The following WDR41 variants were observed in gnomAD, a reference collection of about 807,000 sequenced individuals.
WDR41 encodes the protein WD repeat-containing protein 41.
A neutral mutation model predicts 69.3 loss-of-function variants in WDR41; 63 were observed. That is an observed-to-expected ratio of 0.91 (90% CI 0.74 to 1.12). The LOEUF is 1.12. WDR41 is among the 50% of genes most tolerant of loss of function. WDR41 has a pLI of 0.00. For synonymous variants in WDR41, 185 were observed against 192.1 expected (o/e 0.96, Z 0.31); for missense variants, 543 against 534.5 (o/e 1.02, Z -0.16).
chr5:77,557,586 A>G (rs146245488), intron 1 of WDR41, among the ~76,000 whole-genome samples: 1 of 152,188 alleles, frequency 6.6e-6, no homozygotes, highest in Non-Finnish European at 1.5e-5. Context: ...CCACTAGAAC[A>G]CTTGTACACT....
intron 1 of WDR41, among the ~76,000 whole-genome samples, chr5:77,489,883 T>TA (rs1383082691): frequency 6.6e-6 from 1 of 152,150 alleles, no homozygotes; most frequent in East Asian, 1.9e-4. Flanking sequence ...AACCTCACTT[T>TA]AAAAAAAGTA....
At chr5:77,483,931 T>A (rs1258602086) in intron 2 of WDR41, among the ~76,000 whole-genome samples, 3 of 152,212 alleles carry the variant, frequency 2.0e-5, no homozygotes, top group African/African-American at 7.2e-5. Context: ...ACTTCCTGTA[T>A]CTATGCTCAA....
chr5:77,540,718 G>T (rs1277344047), intron 1 of WDR41, among the ~76,000 whole-genome samples: 2 of 75,002 alleles, frequency 2.7e-5, no homozygotes, highest in Non-Finnish European at 5.1e-5. Context: ...GAAAAGAAAA[G>T]AATGTAGGGA....
chr5:77,497,883 GTA>G (rs1801958331), intron 1 of WDR41, among the ~76,000 whole-genome samples: 1 of 152,128 alleles, frequency 6.6e-6, no homozygotes, highest in Non-Finnish European at 1.5e-5. Flanking sequence ...AAAATGTGAT[GTA>G]TGCATATAAT....
chr5:77,614,663 G>A (rs1291375055), intron 1 of WDR41, among the ~76,000 whole-genome samples: 1 of 127,844 alleles, frequency 7.8e-6, no homozygotes, highest in African/African-American at 2.9e-5. Context: ...GGGGGGGAGG[G>A]GGGAGGGATA....
chr5:77,461,834 T>TA (rs547738918), intron 4 of WDR41, among the ~76,000 whole-genome samples: 5,270 of 137,276 alleles, frequency 0.038, 210 homozygotes, highest in South Asian at 0.2. Context: ...AGATTCTGTC[T>TA]AAAAAAAAAA....
chr5:77,438,419 T>C, intron 9 of WDR41, 58 bp from the exon 10 acceptor site: 1 of 1,596,920 alleles, frequency 6.3e-7, no homozygotes. Flanking sequence ...CCTAGTGTAA[T>C]GGATTTCCAG....
intron 6 of WDR41, chr5:77,451,708 A>T (rs536803351): frequency 5.6e-6 from 1 of 180,020 alleles, no homozygotes; most frequent in South Asian, 1.3e-4. Flanking sequence ...CTCAAAAGTG[A>T]TGTAAAATTG....
chr5:77,437,541 A>T, intron 10 of WDR41, 117 bp from the exon 11 acceptor site: 1 of 883,814 alleles, frequency 1.1e-6, no homozygotes. Context: ...TCTTAGCAGG[A>T]ACTGACAAAA....
chr5:77,590,144 T>C (rs534260692), intron 1 of WDR41, among the ~76,000 whole-genome samples: 1 of 152,360 alleles, frequency 6.6e-6, no homozygotes, highest in South Asian at 2.1e-4. Context: ...ACTTGTTAAA[T>C]GTTAAACTAA....
chr5:77,525,505 A>G (rs1561214800), intron 1 of WDR41, among the ~76,000 whole-genome samples: 1 of 152,202 alleles, frequency 6.6e-6, no homozygotes, highest in Non-Finnish European at 1.5e-5. Context: ...CAGAGAGACC[A>G]ACTCTTTCTA....
At chr5:77,557,795 A>C (rs1258577724) in intron 1 of WDR41, among the ~76,000 whole-genome samples, 2 of 152,196 alleles carry the variant, frequency 1.3e-5, no homozygotes, top group Non-Finnish European at 2.9e-5. Context: ...AAACAGCCCA[A>C]ATGTTTACCA....
Position 77,522,288 on chromosome 5 carries a change from C to A in WDR41, c.43-32716G>T, listed in dbSNP as rs981936398. On this transcript the variant is annotated intron_variant, in intron 1 of 5. Transcript: ENST00000509971. ...AACTTTGAGACAGCAGCGATTTCTG[C>A]AGAAAAAGCCTTGAGGAAGATAGCC... Among the ~76,000 whole-genome samples the A allele has an allele frequency of 1.4e-4, 21 of 152,218 alleles. No homozygotes were observed. The South Asian group carries it at 4.1e-3, about 30-fold the overall frequency.
intron 1 of WDR41, among the ~76,000 whole-genome samples, chr5:77,594,690 C>G (rs765217259): frequency 1.3e-5 from 2 of 152,138 alleles, no homozygotes; most frequent in Non-Finnish European, 2.9e-5. Context: ...ACAGCCCAAC[C>G]TTCTCCTTTC....
intron 1 of WDR41, among the ~76,000 whole-genome samples, chr5:77,561,816 G>A (rs1305685558): frequency 2.0e-5 from 3 of 152,024 alleles, no homozygotes; most frequent in Non-Finnish European, 4.4e-5. Context: ...AAAAACACAT[G>A]TGTTTTCTTT....
intron 1 of WDR41, chr5:77,582,569 A>T: frequency 6.3e-7 from 1 of 1,599,850 alleles, no homozygotes; most frequent in East Asian, 2.2e-5. Flanking sequence ...AGGCAAATGT[A>T]CAGAACTGAA....
intron 1 of WDR41, chr5:77,540,505 TG>T (rs1366815293): frequency 6.6e-6 from 1 of 152,152 alleles, no homozygotes; most frequent in African/African-American, 2.4e-5. Flanking sequence ...GAGGATCACA[TG>T]ATTCTCAGGC....
Position 77,431,466 on chromosome 5 carries a change from G to T in WDR41, c.*1669C>A, listed in dbSNP as rs1344164064. On this transcript the variant is annotated 3_prime_UTR_variant, in exon 13 of 13. Transcript: ENST00000296679. ...ATAGGCACTGGGAAACCAAAAACTA[G>T]ATGTGACTCACTCTATTTGCAATAG... 1 of 152,196 alleles carries T rather than the reference G, an allele frequency of 6.6e-6. No homozygotes were observed. The highest frequency in any genetic ancestry group is 1.5e-5 in the Non-Finnish European group (1 of 68,044). The allele number at this position is 152,196 out of a possible 1,614,324, so 9.4% of individuals were successfully genotyped here.
chr5:77,554,343 A>G (rs926703022), intron 1 of WDR41, among the ~76,000 whole-genome samples: 2 of 152,152 alleles, frequency 1.3e-5, no homozygotes, highest in East Asian at 1.9e-4. Flanking sequence ...TCTTACGTTA[A>G]AATCTAATCA....
Sources: gnomAD v4.1 joint callset for allele counts (sites outside exome capture counted in the v4.1 genomes callset) on GRCh38, gnomAD v4.1.1 for gene constraint, MANE v1.5 for transcripts, NCBI Gene and HGNC (gene_info 2026-07-23, HGNC 2026-07-21) for gene names.